Variants in RABL6 observed in about 807,000 individuals in gnomAD.
The protein encoded by RABL6 is RAB, member RAS oncogene family like 6.
In RABL6, 28 loss-of-function variants were observed where a neutral mutation model predicts 72.9. The observed-to-expected ratio is 0.38, with a 90% CI of 0.28 to 0.53. The LOEUF (loss-of-function observed/expected upper bound fraction) is 0.53. RABL6 is among the 20% of genes least tolerant of loss of function. The pLI is 0.80. For missense variants in RABL6, 1,029 were observed against 1,008.4 expected (o/e 1.02, Z -0.28); for synonymous variants, 477 against 421.2 (o/e 1.13, Z -1.62).
chr9:136,835,676 C>T, intron 7 of RABL6, 66 bp from the exon 8 acceptor site: 4 of 1,405,548 alleles, frequency 2.8e-6, no homozygotes, highest in Non-Finnish European at 3.9e-6. Context: ...CATTCAGGGG[C>T]TGTGGGGCTG....
At chr9:136,818,045 G>C (rs965398771) in intron 1 of RABL6, among the ~76,000 whole-genome samples, 8 of 93,826 alleles carry the variant, frequency 8.5e-5, no homozygotes, top group African/African-American at 3.0e-4. Context: ...CTGGGCAACA[G>C]AACAAGACTC....
chr9:136,835,891 C>A, intron 8 of RABL6, 46 bp downstream of exon 8: 4 of 1,516,170 alleles, frequency 2.6e-6, no homozygotes, highest in Non-Finnish European at 3.6e-6. Context: ...GGGCTGCGGG[C>A]GTGGCCGTGG....
At position 136,823,684 on chromosome 9, in the gene RABL6, G is replaced by A. The variant is rs1848291313; in HGVS notation, c.265+25G>A. ...AGTAAGTGTGGTGGGTGCCCCAGTGGGTTCGGGCTCCAGGCTTCTCCTCCC... is the reference window on the plus strand; with the variant it reads ...AGTAAGTGTGGTGGGTGCCCCAGTGAGTTCGGGCTCCAGGCTTCTCCTCCC... On this transcript the variant is annotated intron_variant, in intron 2 of 14. Transcript: ENST00000311502. The A allele has an allele frequency of 7.6e-6, 12 of 1,584,612 alleles. No homozygotes were observed. The East Asian group carries it at 2.7e-4, about 36-fold the overall frequency.
intron 14 of RABL6, 51 bp from the exon 15 acceptor site, chr9:136,840,271 A>C: frequency 6.2e-7 from 1 of 1,611,636 alleles, no homozygotes; most frequent in South Asian, 1.1e-5. Context: ...TCCTGGGACC[A>C]GGGCTGTGGC....
At chr9:136,827,180 A>T (rs1012053037) in intron 3 of RABL6, 2 of 152,214 alleles carry the variant, frequency 1.3e-5, no homozygotes, top group African/African-American at 4.8e-5. Context: ...CCCCAGCTTC[A>T]TGATGGGGCC....
rs1345957180 is a variant in RABL6, at chr9:136,818,396, AAAAAAAAAC to A, written c.131-5128_131-5120del. 1.2e-3 allele frequency among the ~76,000 whole-genome samples: 29 copies of A among 24,322 alleles called. 1 individual carries two copies. The highest frequency in any genetic ancestry group is 1.8e-3 in the Non-Finnish European group (23 of 12,574). The allele number at this position is 24,322 out of a possible 152,430, so 16.0% of individuals were successfully genotyped here. A position where few individuals can be genotyped will look rare whatever the true frequency, so the allele number is the denominator to read the frequency against. ...AAAAAAAAAAAAAAAAAAAAAAAAA[AAAAAAAAAC>A]CAAAGGTAAGCAAAGAAACTGGTAA... On this transcript the variant is annotated intron_variant, in intron 1 of 14. Coordinates refer to ENST00000311502, the MANE Select transcript of RABL6 (RefSeq NM_024718.5).
rs549527211 is a variant in RABL6, at chr9:136,808,027, C to T, written c.-170C>T. ...AGCGGAGCAGCCGCGGCTGAGGTTC[C>T]CGAGTCGCCGCTCGGGGCTGCGCTC... On this transcript the variant is annotated 5_prime_UTR_variant, in exon 1 of 15. Coordinates refer to ENST00000311502, the MANE Select transcript of RABL6 (RefSeq NM_024718.5). 1.1e-3 allele frequency: 1,202 copies of T among 1,045,990 alleles called. 10 individuals carry two copies. In the East Asian group the frequency reaches 0.016, roughly 14 times the overall value. The allele number at this position is 1,045,990 out of a possible 1,614,324, so 64.8% of individuals were successfully genotyped here. A position where few individuals can be genotyped will look rare whatever the true frequency, so the allele number is the denominator to read the frequency against.
chr9:136,832,286 C>T lies in RABL6; in HGVS notation c.621C>T (p.Phe207=). The change falls in exon 7 of 15, where the codon TTC becomes TTT. Residue 207 remains phenylalanine (F), a synonymous_variant. Transcript: ENST00000311502. ...GCAGACCTCCAGGTTCCTCCTACTT[C>T]CGCTATGCTGAGTCTTCCATGAAGA... ...NLDRPPGSSY[F]RYAESSMKNS... The T allele has an allele frequency of 1.2e-5, 20 of 1,613,868 alleles. No homozygotes were observed. Among genetic ancestry groups the T allele is most frequent in the Non-Finnish European group, 1.7e-5 (20 of 1,179,814 alleles).
intron 6 of RABL6, 92 bp from the exon 7 acceptor site, chr9:136,832,173 G>A: frequency 8.4e-7 from 1 of 1,193,480 alleles, no homozygotes; most frequent in South Asian, 1.3e-5. Flanking sequence ...AGGAGGGAGG[G>A]CAGTGCGGAC....
At chr9:136,825,225 C>G (rs1035080371) in intron 2 of RABL6, among the ~76,000 whole-genome samples, 2 of 152,250 alleles carry the variant, frequency 1.3e-5, no homozygotes, top group African/African-American at 4.8e-5. Flanking sequence ...AGATTCTGCT[C>G]CCTCAAAGTG....
rs969222039 is a variant in RABL6 at position 136,833,668 on chromosome 9, C to G, written c.705+1298C>G. The G allele has an allele frequency of 6.5e-6, 10 of 1,547,686 alleles. No individual in the cohort carries two copies. In the African/African-American group the frequency reaches 9.6e-5, roughly 15 times the overall value. On this transcript the variant is annotated intron_variant, in intron 7 of 14. Coordinates refer to ENST00000311502, the MANE Select transcript of RABL6 (RefSeq NM_024718.5). ...TCGCCCTGGGCTGCCCCGACTGGGT[C>G]TGGGGGACCTGGGGCCCAGCTGCAG...
chr9:136,820,128 G>C (rs2131170550), intron 1 of RABL6, among the ~76,000 whole-genome samples: 1 of 149,154 alleles, frequency 6.7e-6, no homozygotes, highest in Middle Eastern at 3.5e-3. Flanking sequence ...GAATCCAGTA[G>C]GTGGAGGTTG....
At chr9:136,833,668 C>T in intron 7 of RABL6, 1 of 1,547,804 alleles carries the variant, frequency 6.5e-7, no homozygotes, top group South Asian at 1.2e-5. Flanking sequence ...CCGACTGGGT[C>T]TGGGGGACCT....
Position 136,838,929 on chromosome 9 carries a change from G to A in RABL6, c.1301G>A (p.Gly434Asp), listed in dbSNP as rs746753426. Residue 434 changes from glycine to aspartate, a missense_variant, in exon 11 of 15, where the codon GGC (glycine) becomes GAC (aspartate). Transcript: ENST00000311502. ...DSDSDGEALG[G>D]NPMVAGFQDD... ...TGCAGTGATGGGGAGGCCCTGGGCG[G>A]CAACCCGATGGTGGCAGGGTTCCAG... 1.7e-5 allele frequency: 27 copies of A among 1,600,048 alleles called. No individual in the cohort carries two copies. In the Admixed American group the frequency reaches 4.2e-4, roughly 25 times the overall value.
intron 1 of RABL6, chr9:136,810,132 G>A (rs552400939): frequency 1.3e-5 from 2 of 152,184 alleles, no homozygotes; most frequent in African/African-American, 4.8e-5. Context: ...TAGACTCTGC[G>A]TTTGGATCCT....
At chr9:136,837,040 A>AT (rs921373443) in intron 8 of RABL6, 15 of 484,736 alleles carry the variant, frequency 3.1e-5, no homozygotes, top group Admixed American at 2.0e-4. Flanking sequence ...CACCCGGCTA[A>AT]TTTTTTTTGT....
chr9:136,809,503 A>G (rs947377687), intron 1 of RABL6: 71 of 252,256 alleles, frequency 2.8e-4, no homozygotes, highest in Middle Eastern at 1.4e-3. Context: ...CGGGCCGGGC[A>G]CGGTGGCTCA....
In RABL6 at chr9:136,832,066, G is replaced by A. The variant is rs1232984441; in HGVS notation, c.600-199G>A. ...GTGTGCTGGGGAACTGTGTGCCAGG[G>A]TGAAGTGCTGGCACTGTGGGGTCAC... On this transcript the variant is annotated intron_variant, in intron 6 of 14. Transcript: ENST00000311502. 1.8e-5 allele frequency: 17 copies of A among 945,278 alleles called. No individual in the cohort carries two copies. In the East Asian group the frequency reaches 4.0e-4, roughly 22 times the overall value. The allele number at this position is 945,278 out of a possible 1,614,324, so 58.6% of individuals were successfully genotyped here. A position where few individuals can be genotyped will look rare whatever the true frequency, so the allele number is the denominator to read the frequency against.
At position 136,840,529 on chromosome 9, in the gene RABL6, G is replaced by A. The variant is rs530249789; in HGVS notation, c.*7G>A. On this transcript the variant is annotated 3_prime_UTR_variant, in exon 15 of 15. Coordinates refer to ENST00000311502, the MANE Select transcript of RABL6 (RefSeq NM_024718.5). ...CGACTACGAGGAGCTCTAGGCCGGC[G>A]TGGGCAGTGGCCGCCCTGGGGCGGG... 2.1e-4 allele frequency: 326 copies of A among 1,543,318 alleles called. No individual in the cohort carries two copies. The East Asian group carries it at 2.9e-3, about 14-fold the overall frequency.
Sources: allele counts gnomAD v4.1 joint callset (sites outside exome capture counted in the v4.1 genomes callset), GRCh38; gene constraint gnomAD v4.1.1; transcripts MANE v1.5; gene names NCBI Gene and HGNC (gene_info 2026-07-23, HGNC 2026-07-21).